The following GABRG3 variants were observed in gnomAD, a reference collection of about 807,000 sequenced individuals.
GABRG3 encodes the protein gamma-aminobutyric acid receptor subunit gamma-3.
In GABRG3, 25 loss-of-function variants were observed where a neutral mutation model predicts 48.8. The ratio of observed to expected loss-of-function variants is 0.51; its 90% confidence interval spans 0.37 to 0.72. The LOEUF is 0.72. GABRG3 is among the 30% of genes least tolerant of loss of function. The pLI is 0.00. For missense variants in GABRG3, 394 were observed against 577.9 expected (o/e 0.68, Z 3.26); for synonymous variants, 227 against 217.6 (o/e 1.04, Z -0.38).
At position 27,534,700 on chromosome 15, in the gene GABRG3, G is replaced by A. The variant is rs1891510171; in HGVS notation, c.*1819G>A. On this transcript the variant is annotated 3_prime_UTR_variant, in exon 10 of 10. Transcript: ENST00000615808. ...CTGGATGTATACCAGACACAGAAGA[G>A]GATGGGAGCAGAAGAGGCCAGAAAA... 1 of 152,162 alleles carries A rather than the reference G, an allele frequency of 6.6e-6. No individual in the cohort carries two copies. The highest frequency in any genetic ancestry group is 2.4e-5 in the African/African-American group (1 of 41,436). The allele number at this position is 152,162 out of a possible 1,614,324, so 9.4% of individuals were successfully genotyped here.
intron 7 of GABRG3, 110 bp downstream of exon 7, chr15:27,520,234 AG>A (rs1891127214): frequency 8.9e-7 from 1 of 1,124,572 alleles, no homozygotes; most frequent in African/African-American, 1.6e-5. Context: ...ATCTCATTTG[AG>A]GGTGACTTGA....
At chr15:27,086,487 A>G (rs953228463) in intron 3 of GABRG3, among the ~76,000 whole-genome samples, 3 of 152,210 alleles carry the variant, frequency 2.0e-5, no homozygotes, top group Non-Finnish European at 4.4e-5. Flanking sequence ...TGTATTGAAA[A>G]TCCAAAGAAT....
intron 3 of GABRG3, among the ~76,000 whole-genome samples, chr15:27,031,504 G>A (rs1281360520): frequency 6.6e-6 from 1 of 152,248 alleles, no homozygotes; most frequent in African/African-American, 2.4e-5. Context: ...GACTTGTAGC[G>A]AGCCACTGTA....
chr15:27,331,513 C>A (rs959671988), intron 5 of GABRG3, among the ~76,000 whole-genome samples: 1 of 152,142 alleles, frequency 6.6e-6, no homozygotes, highest in Non-Finnish European at 1.5e-5. Flanking sequence ...TACTCTGATT[C>A]CAGCTATATG....
intron 5 of GABRG3, among the ~76,000 whole-genome samples, chr15:27,355,075 C>T (rs778691003): frequency 6.6e-6 from 1 of 152,112 alleles, no homozygotes; most frequent in Non-Finnish European, 1.5e-5. Flanking sequence ...GGTGTTTGGC[C>T]ATTGCCGGCA....
intron 3 of GABRG3, among the ~76,000 whole-genome samples, chr15:27,260,545 AT>A (rs1170074531): frequency 6.6e-6 from 1 of 152,152 alleles, no homozygotes; most frequent in Non-Finnish European, 1.5e-5. Flanking sequence ...AATAAAAAAT[AT>A]TTAAATTGTG....
rs1194035238 is a variant in GABRG3 at position 27,496,041 on chromosome 15, T to TA, written c.712+15255dup. ...AGGTTACCTACTTGGCCTTCAGTGA[T>TA]ACTCCATGGGTGAGGTGCTCCTTGG... On this transcript the variant is annotated intron_variant, in intron 6 of 9. Coordinates refer to ENST00000615808, the MANE Select transcript of GABRG3 (RefSeq NM_033223.5). Among the ~76,000 whole-genome samples, 12 of 152,296 alleles carry TA rather than the reference T, an allele frequency of 7.9e-5. 1 individual carries two copies. The Middle Eastern group carries it at 0.017, about 216-fold the overall frequency.
intron 3 of GABRG3, among the ~76,000 whole-genome samples, chr15:27,141,206 A>G (rs775924193): frequency 6.6e-6 from 1 of 152,204 alleles, no homozygotes; most frequent in East Asian, 1.9e-4. Flanking sequence ...CTCACACACC[A>G]TAAGAATTAG....
rs189754293 is a variant in GABRG3, at chr15:27,457,450, A to G, written c.575-23200A>G. On this transcript the variant is annotated intron_variant, in intron 5 of 9. Transcript: ENST00000615808. The surrounding 1 kb of genome is among the most constrained non-coding windows in gnomAD (Gnocchi z 4.4). The stretch of plus-strand genomic sequence containing the variant: ...CCTTCTCTATCTTTGTTCACTGACA[A>G]TCTTCTTGGGCACATTTCTTTCTTG... Among the ~76,000 whole-genome samples the G allele has an allele frequency of 2.2e-4, 34 of 152,158 alleles. 1 individual carries two copies. The highest frequency in any genetic ancestry group is 6.8e-3 in the Middle Eastern group (2 of 294).
At chr15:27,279,495 T>A (rs1053905439) in intron 3 of GABRG3, among the ~76,000 whole-genome samples, 2 of 152,222 alleles carry the variant, frequency 1.3e-5, no homozygotes, top group African/African-American at 4.8e-5. Context: ...ATCCAAGTGC[T>A]CCAGCACCAT....
In GABRG3 at chr15:27,227,130, A is replaced by T. The variant is rs1048851097; in HGVS notation, c.271-99679A>T. ...ACTTGCATAGAATGTTGTTGATTTA[A>T]CACTAAGGTATCAAGTTCATTAACA... On this transcript the variant is annotated intron_variant, in intron 3 of 9. Transcript: ENST00000615808. Among the ~76,000 whole-genome samples, 7 of 152,364 alleles carry T rather than the reference A, an allele frequency of 4.6e-5. No homozygotes were observed. The East Asian group carries it at 1.2e-3, about 25-fold the overall frequency.
chr15:27,458,248 GCTAA>G (rs1402581180), intron 5 of GABRG3, among the ~76,000 whole-genome samples: 3 of 152,190 alleles, frequency 2.0e-5, no homozygotes, highest in Non-Finnish European at 1.5e-5. Context: ...CTTCAAAGCT[GCTAA>G]CTGACACATA....
At position 27,538,413 on chromosome 15, in the gene GABRG3, A is replaced by T. The variant is rs931886826; in HGVS notation, c.*5532A>T. The T allele has an allele frequency of 1.3e-5, 2 of 152,250 alleles. No homozygotes were observed. The highest frequency in any genetic ancestry group is 4.8e-5 in the African/African-American group (2 of 41,460). The allele number at this position is 152,250 out of a possible 1,614,324, so 9.4% of individuals were successfully genotyped here. On this transcript the variant is annotated 3_prime_UTR_variant, in exon 10 of 10. Transcript: ENST00000615808. ...AGACAAAACATATGTTCTCACACAC[A>T]CACCACTTCCAAAACAGACATGATT...
intron 3 of GABRG3, among the ~76,000 whole-genome samples, chr15:27,164,577 G>T (rs1887313370): frequency 6.6e-6 from 1 of 151,908 alleles, no homozygotes; most frequent in Non-Finnish European, 1.5e-5. Flanking sequence ...GTCTCTCCAG[G>T]CTCTTTTGAT....
Position 27,306,977 on chromosome 15 carries a change from ATAATATAAACAT to A in GABRG3, c.271-19831_271-19820del, listed in dbSNP as rs1566769582. 1.6e-4 allele frequency among the ~76,000 whole-genome samples: 7 copies of A among 44,396 alleles called. 2 individuals are homozygous for A. The highest frequency in any genetic ancestry group is 8.2e-4 in the South Asian group (2 of 2,434). The allele number at this position is 44,396 out of a possible 152,430, so 29.1% of individuals were successfully genotyped here. ...TAAACATGTTTATATATAAACATAT[ATAATATAAACAT>A]GTTTATATATAAACATGTATAAACA... On this transcript the variant is annotated intron_variant, in intron 3 of 9. Transcript: ENST00000615808.
intron 3 of GABRG3, among the ~76,000 whole-genome samples, chr15:27,216,639 AAGC>A (rs1889254951): frequency 6.6e-6 from 1 of 152,098 alleles, no homozygotes; most frequent in Non-Finnish European, 1.5e-5. Context: ...ATGGAACTCA[AAGC>A]AGAGCTCATG....
Position 27,273,148 on chromosome 15 carries a change from C to T in GABRG3, c.271-53661C>T, listed in dbSNP as rs557328937. Among the ~76,000 whole-genome samples the T allele has an allele frequency of 1.1e-3, 166 of 152,248 alleles. 1 individual carries two copies. Among genetic ancestry groups the T allele is most frequent in the Non-Finnish European group, 1.8e-3 (121 of 68,028 alleles). On this transcript the variant is annotated intron_variant, in intron 3 of 9. Transcript: ENST00000615808. ...TAAAAATGATAGAGAAATGTGTCCT[C>T]TAAGCCCAAAGTAGAATTGTCTCGG...
chr15:27,261,389 A>G (rs7174776), intron 3 of GABRG3, among the ~76,000 whole-genome samples: 100,523 of 151,670 alleles, frequency 0.66, 33,940 homozygotes, highest in African/African-American at 0.69. Context: ...ACTGGAAAGA[A>G]TGGAAAGAAT....
intron 5 of GABRG3, among the ~76,000 whole-genome samples, chr15:27,336,143 C>T (rs906379132): frequency 3.4e-5 from 5 of 149,078 alleles, no homozygotes; most frequent in East Asian, 2.0e-4. Context: ...GAGCCAAGAT[C>T]GTGCCATTGC....
Sources: allele counts gnomAD v4.1 joint callset (sites outside exome capture counted in the v4.1 genomes callset), GRCh38; gene constraint gnomAD v4.1.1; non-coding constraint Gnocchi (gnomAD v3.1); transcripts MANE v1.5; gene names NCBI Gene and HGNC (gene_info 2026-07-23, HGNC 2026-07-21).